Variants in SHC4 observed in about 807,000 individuals in gnomAD.
SHC4 encodes SHC-transforming protein 4.
Under a neutral mutation model 69.4 loss-of-function variants are expected in SHC4, and 41 were observed. The ratio of observed to expected loss-of-function variants is 0.59; its 90% CI spans 0.46 to 0.77. The LOEUF (loss-of-function observed/expected upper bound fraction) is 0.77. SHC4 is among the 30% of genes least tolerant of loss of function. The pLI, the probability that SHC4 is intolerant of heterozygous loss-of-function variation, is 0.00. For missense variants in SHC4, 777 were observed against 783.8 expected (o/e 0.99, Z 0.10); for synonymous variants, 318 against 299.3 (o/e 1.06, Z -0.64).
chr15:48,892,820 G>A (rs1164638134), intron 2 of SHC4, among the ~76,000 whole-genome samples: 7 of 142,714 alleles, frequency 4.9e-5, no homozygotes, highest in East Asian at 2.1e-4. Context: ...CTGAGATCAC[G>A]CCATTGCACT....
intron 4 of SHC4, chr15:48,878,136 C>T (rs749132852): frequency 6.6e-7 from 1 of 1,517,528 alleles, no homozygotes; most frequent in South Asian, 1.3e-5. Flanking sequence ...CAGCATCTGT[C>T]TTGCTGGAAG....
intron 9 of SHC4, among the ~76,000 whole-genome samples, chr15:48,847,992 A>C (rs1899124405): frequency 6.7e-6 from 1 of 149,528 alleles, no homozygotes; most frequent in South Asian, 2.1e-4. Context: ...ACAAGAGCAA[A>C]ACTCCGTCTA....
At chr15:48,954,169 G>A (rs940645636) in intron 1 of SHC4, among the ~76,000 whole-genome samples, 1 of 152,158 alleles carries the variant, frequency 6.6e-6, no homozygotes, top group African/African-American at 2.4e-5. Context: ...GGCCTTGCAG[G>A]CTGTTTAGCT....
chr15:48,897,696 C>A (rs1262878099), intron 2 of SHC4, among the ~76,000 whole-genome samples: 1 of 146,636 alleles, frequency 6.8e-6, no homozygotes, highest in African/African-American at 2.5e-5. Context: ...AACATGAAAC[C>A]AGGCAAAGGG....
At chr15:48,838,835 A>G (rs1188373227) in intron 10 of SHC4, among the ~76,000 whole-genome samples, 1 of 152,188 alleles carries the variant, frequency 6.6e-6, no homozygotes, top group African/African-American at 2.4e-5. Context: ...ACAAACATGG[A>G]TAAAATTAAG....
At chr15:48,877,990 A>G (rs1899848124) in intron 4 of SHC4, 2 of 623,274 alleles carry the variant, frequency 3.2e-6, no homozygotes, top group Non-Finnish European at 5.1e-6. Context: ...AGGCGACGCC[A>G]ACACCCCGGA....
chr15:48,960,587 C>T (rs1040660174), intron 1 of SHC4, among the ~76,000 whole-genome samples: 43 of 152,100 alleles, frequency 2.8e-4, no homozygotes, highest in African/African-American at 1.0e-3. Flanking sequence ...CTCTGTAACC[C>T]TTCCAGTGTT....
In SHC4 at chr15:48,930,956, A is replaced by G. The variant is rs545013072; in HGVS notation, c.586-6007T>C. On this transcript the variant is annotated intron_variant, in intron 1 of 11. Coordinates refer to ENST00000332408, the MANE Select transcript of SHC4 (RefSeq NM_203349.4). Reference sequence around the variant, plus strand: ...CTCATCACTCTAGTGAAACTGCCTGAGCAAACCAACTACTTCCTCAAAGTT... The same window carrying G: ...CTCATCACTCTAGTGAAACTGCCTGGGCAAACCAACTACTTCCTCAAAGTT... Among the ~76,000 whole-genome samples the G allele has an allele frequency of 1.2e-4, 18 of 152,324 alleles. No homozygotes were observed. In the East Asian group the frequency reaches 2.9e-3, roughly 24 times the overall value.
In SHC4 at chr15:48,959,629, G is replaced by A. The variant is rs912656175; in HGVS notation, c.585+2802C>T. On this transcript the variant is annotated intron_variant, in intron 1 of 11. Coordinates refer to ENST00000332408, the MANE Select transcript of SHC4 (RefSeq NM_203349.4). ...AGCCATTAAGATCATCTTTCTCTCAGTTCTCTCCTATGAATCCATTATTAC... is the reference window on the plus strand; with the variant it reads ...AGCCATTAAGATCATCTTTCTCTCAATTCTCTCCTATGAATCCATTATTAC... 3.3e-5 allele frequency among the ~76,000 whole-genome samples: 5 copies of A among 152,090 alleles called. 1 individual carries two copies. The highest frequency in any genetic ancestry group is 2.9e-5 in the Non-Finnish European group (2 of 68,016).
At chr15:48,943,412 G>A (rs990802507) in intron 1 of SHC4, among the ~76,000 whole-genome samples, 3 of 152,094 alleles carry the variant, frequency 2.0e-5, no homozygotes, top group Admixed American at 2.0e-4. Context: ...GTTCATCCAT[G>A]TTGTCACAAA....
At chr15:48,884,477 C>T (rs557876138) in intron 3 of SHC4, 110 bp from the exon 4 acceptor site, 5 of 928,022 alleles carry the variant, frequency 5.4e-6, no homozygotes, top group African/African-American at 5.2e-5. Flanking sequence ...CTCTTCCTCT[C>T]TATTTTACTT....
chr15:48,924,768 G>T, intron 2 of SHC4, 111 bp downstream of exon 2: 1 of 1,126,178 alleles, frequency 8.9e-7, no homozygotes, highest in South Asian at 1.3e-5. Flanking sequence ...CTCCAGTCGC[G>T]TGAATAAAAG....
intron 2 of SHC4, among the ~76,000 whole-genome samples, chr15:48,910,812 C>A (rs1214432967): frequency 6.6e-6 from 1 of 152,074 alleles, no homozygotes; most frequent in African/African-American, 2.4e-5. Context: ...ATCTTGATTT[C>A]GTTTTTGACC....
chr15:48,904,692 A>C (rs1338322527), intron 2 of SHC4, among the ~76,000 whole-genome samples: 1 of 152,156 alleles, frequency 6.6e-6, no homozygotes, highest in Non-Finnish European at 1.5e-5. Flanking sequence ...AGCCTGGGCA[A>C]TATAGCAAGA....
chr15:48,940,007 C>G (rs1161280609), intron 1 of SHC4, among the ~76,000 whole-genome samples: 2 of 152,252 alleles, frequency 1.3e-5, no homozygotes, highest in Non-Finnish European at 2.9e-5. Flanking sequence ...TGCAACCCAT[C>G]ATGGGGCAGC....
intron 11 of SHC4, 70 bp from the exon 12 acceptor site, chr15:48,826,196 G>T: frequency 1.4e-6 from 2 of 1,430,050 alleles, no homozygotes; most frequent in Non-Finnish European, 1.9e-6. Context: ...AAATAATAAG[G>T]GGGAAAATGC....
At chr15:48,932,307 A>G (rs768949831) in intron 1 of SHC4, among the ~76,000 whole-genome samples, 2 of 152,178 alleles carry the variant, frequency 1.3e-5, no homozygotes, top group Non-Finnish European at 2.9e-5. Flanking sequence ...TAAAATTCCC[A>G]GGCTCTGAGA....
chr15:48,851,732 G>A lies in SHC4; in HGVS notation c.1243-484C>T, dbSNP rs115814958. ...GATCATCCCTGTACATACAACTCTC[G>A]TCAGCAATATACTGTGGGGGAGGGA... On this transcript the variant is annotated intron_variant, in intron 8 of 11. Transcript: ENST00000332408. Among the ~76,000 whole-genome samples the A allele has an allele frequency of 6.4e-3, 969 of 152,212 alleles. 8 individuals are homozygous for A. Among genetic ancestry groups the A allele is most frequent in the African/African-American group, 0.022 (913 of 41,526 alleles).
intron 1 of SHC4, among the ~76,000 whole-genome samples, chr15:48,956,617 T>G (rs1436032580): frequency 6.6e-6 from 1 of 151,824 alleles, no homozygotes; most frequent in Admixed American, 6.6e-5. Context: ...CACCCCTCCC[T>G]GGAATTCTAC....
Sources: allele counts gnomAD v4.1 joint callset (sites outside exome capture counted in the v4.1 genomes callset), GRCh38; gene constraint gnomAD v4.1.1; transcripts MANE v1.5; gene names NCBI Gene and HGNC (gene_info 2026-07-23, HGNC 2026-07-21).